FAM227A: variants seen among roughly 807,000 people sequenced by gnomAD.
FAM227A encodes the protein family with sequence similarity 227 member A, also known as protein FAM227A.
In FAM227A, 80 loss-of-function variants were observed where a neutral mutation model predicts 74.7. The ratio of observed to expected loss-of-function variants is 1.07; its 90% CI spans 0.89 to 1.29. The LOEUF is 1.29. Ranked by LOEUF, FAM227A falls within the 50% of genes most tolerant of loss-of-function variation. The pLI is 0.00. For synonymous variants in FAM227A, 237 were observed against 241.8 expected (o/e 0.98, Z 0.19); for missense variants, 654 against 683.4 (o/e 0.96, Z 0.48).
At chr22:38,614,504 G>A (rs1251774762) in intron 11 of FAM227A, among the ~76,000 whole-genome samples, 1 of 152,118 alleles carries the variant, frequency 6.6e-6, no homozygotes, top group East Asian at 1.9e-4. Context: ...TCATTCCCCT[G>A]AATTGTGGAC....
chr22:38,605,486 C>T (rs529049157), intron 12 of FAM227A, 138 bp from the exon 13 acceptor site: 34 of 608,054 alleles, frequency 5.6e-5, no homozygotes, highest in South Asian at 2.7e-4. Context: ...AACGGGGTTT[C>T]GCCATGTTGA....
At chr22:38,596,299 C>G (rs2091043741) in intron 15 of FAM227A, among the ~76,000 whole-genome samples, 1 of 152,182 alleles carries the variant, frequency 6.6e-6, no homozygotes, top group Non-Finnish European at 1.5e-5. Flanking sequence ...CCAGCCTAGG[C>G]AACAGAGTGA....
Position 38,649,913 on chromosome 22 carries a change from G to A in FAM227A, c.142+114C>T, listed in dbSNP as rs184701600. Reference sequence around the variant, plus strand: ...AGAAAAGAAAAAATGAATGTATAAGGGACAAGCTAATAAGTAATGTGCATT... The same window carrying A: ...AGAAAAGAAAAAATGAATGTATAAGAGACAAGCTAATAAGTAATGTGCATT... On this transcript the variant is annotated intron_variant, in intron 2 of 16. Transcript: ENST00000535113. The A allele has an allele frequency of 3.1e-5, 29 of 922,538 alleles. No homozygotes were observed. In the Admixed American group the frequency reaches 7.9e-4, roughly 25 times the overall value. 57.1% of individuals were successfully genotyped at this position (922,538 alleles called of 1,614,324 possible). A position where few individuals can be genotyped will look rare whatever the true frequency, so the allele number is the denominator to read the frequency against.
Position 38,599,676 on chromosome 22 carries a change from C to A in FAM227A, c.1379+88G>T, listed in dbSNP as rs118056764. On this transcript the variant is annotated intron_variant, in intron 14 of 16. Coordinates refer to ENST00000535113, the MANE Select transcript of FAM227A (RefSeq NM_001013647.2). ...TGGTGTGCCAGGCGCTGTGCTAAGG[C>A]CTGGGTGCCATTCCCTGACCTTTGC... 3,413 of 1,305,230 alleles carry A rather than the reference C, an allele frequency of 2.6e-3. 97 individuals carry two copies. The East Asian group carries it at 0.064, about 25-fold the overall frequency. The allele number at this position is 1,305,230 out of a possible 1,614,324, so 80.9% of individuals were successfully genotyped here.
At chr22:38,628,439 G>T (rs2091853432) in intron 7 of FAM227A, 97 bp from the exon 8 acceptor site, 1 of 763,018 alleles carries the variant, frequency 1.3e-6, no homozygotes, top group Non-Finnish European at 2.2e-6. Flanking sequence ...TCATTTCCAA[G>T]AATCTTATTC....
intron 15 of FAM227A, among the ~76,000 whole-genome samples, chr22:38,594,598 G>C (rs560614851): frequency 1.3e-5 from 2 of 152,144 alleles, no homozygotes; most frequent in Non-Finnish European, 2.9e-5. Flanking sequence ...CATTCCTGTG[G>C]TGTTGGTGGT....
chr22:38,607,943 C>T (rs1185789811), intron 11 of FAM227A, among the ~76,000 whole-genome samples: 1 of 152,002 alleles, frequency 6.6e-6, no homozygotes, highest in Non-Finnish European at 1.5e-5. Context: ...GAAACTGAGC[C>T]CCTGGCTTGA....
Position 38,641,735 on chromosome 22 carries a change from A to C in FAM227A, c.226-2011T>G, listed in dbSNP as rs530174143. On this transcript the variant is annotated intron_variant, in intron 3 of 16. Coordinates refer to ENST00000535113, the MANE Select transcript of FAM227A (RefSeq NM_001013647.2). ...ATTTCTTTGCTGCTCTCATTTTCAA[A>C]TCTCTCTATCTCCATATCTTAGAGC... is the stretch of plus-strand genomic sequence containing the variant. 9.9e-5 allele frequency among the ~76,000 whole-genome samples: 15 copies of C among 151,882 alleles called. No homozygotes were observed. The South Asian group carries it at 2.3e-3, about 23-fold the overall frequency.
At chr22:38,619,324 A>G (rs983976263) in intron 11 of FAM227A, among the ~76,000 whole-genome samples, 1 of 151,772 alleles carries the variant, frequency 6.6e-6, no homozygotes, top group African/African-American at 2.4e-5. Context: ...TTATTTATTT[A>G]TTTATTTATT....
intron 11 of FAM227A, among the ~76,000 whole-genome samples, chr22:38,613,960 C>T (rs2091522392): frequency 6.6e-6 from 1 of 152,152 alleles, no homozygotes; most frequent in Admixed American, 6.5e-5. Context: ...CAACCTCTGC[C>T]TCCTGGGTTC....
At chr22:38,600,964 A>G (rs1179597366) in intron 13 of FAM227A, among the ~76,000 whole-genome samples, 2 of 151,998 alleles carry the variant, frequency 1.3e-5, no homozygotes, top group Non-Finnish European at 2.9e-5. Context: ...AAAAAAAAAA[A>G]AGAAAATTAT....
chr22:38,620,619 C>T (rs1226837995), intron 10 of FAM227A, among the ~76,000 whole-genome samples: 4 of 151,846 alleles, frequency 2.6e-5, no homozygotes, highest in South Asian at 2.1e-4. Context: ...CTGGCTAACA[C>T]GGTGAAACCC....
At position 38,584,133 on chromosome 22, in the gene FAM227A, C is replaced by T. The variant is rs1355995680; in HGVS notation, c.*1992G>A. ...TTGGTTTTTCTCAGATTCCACGCAG[C>T]TTTCTATCGGAGCATTAATGCATTT... On this transcript the variant is annotated 3_prime_UTR_variant, in exon 17 of 17. Coordinates refer to ENST00000535113, the MANE Select transcript of FAM227A (RefSeq NM_001013647.2). 1 of 152,368 alleles carries T rather than the reference C, an allele frequency of 6.6e-6. No individual in the cohort carries two copies. Among genetic ancestry groups the T allele is most frequent in the East Asian group, 1.9e-4 (1 of 5,188 alleles). The allele number at this position is 152,368 out of a possible 1,614,324, so 9.4% of individuals were successfully genotyped here.
chr22:38,578,455 T>C lies in FAM227A; in HGVS notation c.*7670A>G, dbSNP rs562061117. ...TTTTCAGTCCAAATTTGAAAAACTT[T>C]TTAACTTCAGCACATAGGTGTCCAA... On this transcript the variant is annotated 3_prime_UTR_variant, in exon 17 of 17. Transcript: ENST00000535113. The C allele has an allele frequency of 6.6e-6, 1 of 152,354 alleles. No homozygotes were observed. Among genetic ancestry groups the C allele is most frequent in the East Asian group, 1.9e-4 (1 of 5,190 alleles). 9.4% of individuals were successfully genotyped at this position (152,354 alleles called of 1,614,324 possible). A position where few individuals can be genotyped will look rare whatever the true frequency, so the allele number is the denominator to read the frequency against.
Position 38,585,880 on chromosome 22 carries a change from T to A in FAM227A, c.*245A>T, listed in dbSNP as rs1380845849. On this transcript the variant is annotated 3_prime_UTR_variant, in exon 17 of 17. Coordinates refer to ENST00000535113, the MANE Select transcript of FAM227A (RefSeq NM_001013647.2). ...CATATTTGTAACATACTTACCAGCA[T>A]GCACGTAATAAAATACTGAAAGAGT... is the stretch of plus-strand genomic sequence containing the variant. The A allele has an allele frequency of 3.6e-6, 3 of 825,092 alleles. No individual in the cohort carries two copies. The highest frequency in any genetic ancestry group is 5.5e-6 in the Non-Finnish European group (3 of 548,466). 51.1% of individuals were successfully genotyped at this position (825,092 alleles called of 1,614,324 possible).
chr22:38,646,594 T>G (rs2092244726), intron 2 of FAM227A, among the ~76,000 whole-genome samples: 1 of 152,016 alleles, frequency 6.6e-6, no homozygotes, highest in East Asian at 1.9e-4. Flanking sequence ...TTTGTCTGTA[T>G]TTACAATCTG....
In FAM227A at chr22:38,626,884, AAAAAAAAATAT is replaced by A. The variant is rs1241890071; in HGVS notation, c.727-592_727-582del. Among the ~76,000 whole-genome samples, 67 of 109,992 alleles carry A rather than the reference AAAAAAAAATAT, an allele frequency of 6.1e-4. 1 individual carries two copies. The East Asian group carries it at 0.018, about 30-fold the overall frequency. 72.2% of individuals were successfully genotyped at this position (109,992 alleles called of 152,430 possible). A position where few individuals can be genotyped will look rare whatever the true frequency, so the allele number is the denominator to read the frequency against. On this transcript the variant is annotated intron_variant, in intron 8 of 16. Transcript: ENST00000535113. ...CTGTCTCAAAAAAAAAAAAAAAAAAAAAAAAAAATATATATATATATATATATATACACGTA... is the reference window on the plus strand; with the variant it reads ...CTGTCTCAAAAAAAAAAAAAAAAAAAATATATATATATATATATACACGTA...
At chr22:38,612,425 C>T (rs556659029) in intron 11 of FAM227A, among the ~76,000 whole-genome samples, 4 of 152,256 alleles carry the variant, frequency 2.6e-5, no homozygotes, top group Non-Finnish European at 5.9e-5. Flanking sequence ...AGGGCCTTTG[C>T]ACATGCTGTC....
rs1285465827 is a variant in FAM227A, at chr22:38,583,072, G to A, written c.*3053C>T. 1.9e-6 allele frequency: 2 copies of A among 1,075,046 alleles called. No individual in the cohort carries two copies. Among genetic ancestry groups the A allele is most frequent in the Non-Finnish European group, 2.7e-6 (2 of 741,326 alleles). The allele number at this position is 1,075,046 out of a possible 1,614,324, so 66.6% of individuals were successfully genotyped here. On this transcript the variant is annotated 3_prime_UTR_variant, in exon 17 of 17. Transcript: ENST00000535113. ...GCAAATGAAGAGTTGACAGTGGCTG[G>A]GGTAGTAAAGGGAAGGTGAGAGAGT...
Sources: gnomAD v4.1 joint callset for allele counts (sites outside exome capture counted in the v4.1 genomes callset) on GRCh38, gnomAD v4.1.1 for gene constraint, MANE v1.5 for transcripts, NCBI Gene and HGNC (gene_info 2026-07-23, HGNC 2026-07-21) for gene names.